OPLAH: variants seen among roughly 807,000 people sequenced by gnomAD.
The protein encoded by OPLAH is 5-oxoprolinase, ATP-hydrolysing, also known as 5-oxoprolinase.
In OPLAH, 103 loss-of-function variants were observed where a neutral mutation model predicts 122.8. The observed-to-expected ratio is 0.84, with a 90% confidence interval of 0.71 to 0.99. The LOEUF is 0.99. Ranked by LOEUF, OPLAH falls within the 50% of genes least tolerant of loss-of-function variation. The pLI, the probability that OPLAH is intolerant of heterozygous loss-of-function variation, is 0.00. For missense variants in OPLAH, 1,902 were observed against 1,836.5 expected (o/e 1.04, Z -0.65); for synonymous variants, 875 against 796.0 (o/e 1.10, Z -1.67).
chr8:144,051,258 G>A (rs552658091), downstream of OPLAH: 3 of 1,596,706 alleles, frequency 1.9e-6, no homozygotes, highest in African/African-American at 4.1e-5. Flanking sequence ...ACGACTCGGA[G>A]CACGAACTAG....
At chr8:144,051,706 A>C in intron 26 of OPLAH, 23 bp downstream of exon 26, 3 of 1,541,812 alleles carry the variant, frequency 1.9e-6, no homozygotes, top group South Asian at 1.2e-5. Flanking sequence ...GGGGAGGGGG[A>C]CAGGACAGGC....
At chr8:144,054,123 G>C (rs1554758365) in intron 19 of OPLAH, among the ~76,000 whole-genome samples, 1 of 151,638 alleles carries the variant, frequency 6.6e-6, no homozygotes, top group Non-Finnish European at 1.5e-5. Context: ...CTCAGCGCAG[G>C]CCCAGCTGAA....
rs1554757839 is a variant in OPLAH at position 144,052,193 on chromosome 8, G to T, written c.3437C>A (p.Thr1146Asn). 1 of 1,579,830 alleles carries T rather than the reference G, an allele frequency of 6.3e-7. No homozygotes were observed. Among genetic ancestry groups the T allele is most frequent in the Non-Finnish European group, 8.6e-7 (1 of 1,166,336 alleles). Residue 1146 changes from threonine to asparagine, a missense_variant, in exon 24 of 27, where the codon ACC becomes AAC. Physicochemically the swap from Thr to Asn is moderately conservative, Grantham distance 65 (BLOSUM62 0). Coordinates refer to ENST00000618853, the MANE Select transcript of OPLAH (RefSeq NM_017570.5). ...CCGGCTCTCCAGGATCTCAGGGTCG[G>T]TGATGCGTGTGTTGGTCATGTGGCT... ...VHSHMTNTRI[T>N]DPEILESRYP...
rs782207456 is a variant in OPLAH, at chr8:144,057,245, C to A, written c.1498G>T (p.Ala500Ser). Reference sequence around the variant, plus strand: ...ACCGTGTCCATGCCCAGGGCCCGGGCGATGGCACATGCATGCTGCCCACCA... The same window carrying A: ...ACCGTGTCCATGCCCAGGGCCCGGGAGATGGCACATGCATGCTGCCCACCA... ...GAGGQHACAI[A>S]RALGMDTVHI... Residue 500 changes from alanine to serine, a missense_variant, in exon 11 of 27, where the codon GCC becomes TCC. Transcript: ENST00000618853. 3.1e-6 allele frequency: 5 copies of A among 1,612,278 alleles called. No individual in the cohort carries two copies. The South Asian group carries it at 3.3e-5, about 11-fold the overall frequency.
In OPLAH at chr8:144,059,897, C is replaced by G. The variant is rs781819330; in HGVS notation, c.136G>C (p.Ala46Pro). ...ATGCGGCGGATGCCTTCGGTTGGCG[C>G]GTCCGCATAGTTGGCAGGGTCCTCT... ...LSEDPANYAD[A>P]PTEGIRRILE... The change falls in exon 2 of 27, where the codon GCG becomes CCG. Residue 46 changes from alanine (A) to proline (P), a missense_variant. Physicochemically the swap from Ala to Pro is conservative, Grantham distance 27. Around this residue, in one of 3 missense-constraint regions of OPLAH, gnomAD observed 168 missense variants for 170.6 expected, o/e 0.98. Transcript: ENST00000618853. The G allele has an allele frequency of 6.2e-7, 1 of 1,612,666 alleles. No individual in the cohort carries two copies. The highest frequency in any genetic ancestry group is 1.3e-5 in the African/African-American group (1 of 74,940).
At chr8:144,059,181 C>G (rs782435016) in intron 3 of OPLAH, 102 bp from the exon 4 acceptor site, 4 of 969,844 alleles carry the variant, frequency 4.1e-6, no homozygotes, top group African/African-American at 1.6e-5. Flanking sequence ...CCCAACAGGC[C>G]GGTCGGCAGG....
At position 144,058,127 on chromosome 8, in the gene OPLAH, C is replaced by T. The variant is rs782584339; in HGVS notation, c.971G>A (p.Arg324His). 26 of 1,612,444 alleles carry T rather than the reference C, an allele frequency of 1.6e-5. No homozygotes were observed. The South Asian group carries it at 1.9e-4, about 12-fold the overall frequency. The change falls in exon 8 of 27, where the codon CGC becomes CAC. Residue 324 changes from arginine to histidine, a missense_variant. This residue lies in a region of OPLAH where 1,726 missense variants were observed against 1,642.1 expected (regional missense o/e 1.05). Transcript: ENST00000618853. ...DMGGTSTDVS[R>H]YAGEFEHVFE... ...GACGTGCTCGAATTCCCCAGCATAG[C>T]GGCTCACATCCGTGGACGTGCCTGG...
At chr8:144,050,790 C>T, downstream of OPLAH, 1 of 987,558 alleles carries the variant, frequency 1.0e-6, no homozygotes, top group Non-Finnish European at 1.2e-6. Context: ...CCCCGGATCC[C>T]CCAGGGACCG....
Position 144,055,735 on chromosome 8 carries a change from C to T in OPLAH, c.2248+53G>A, listed in dbSNP as rs1258335866. 3 of 1,445,092 alleles carry T rather than the reference C, an allele frequency of 2.1e-6. No individual in the cohort carries two copies. In the Admixed American group the frequency reaches 7.8e-5, roughly 38 times the overall value. The allele number at this position is 1,445,092 out of a possible 1,614,324, so 89.5% of individuals were successfully genotyped here. On this transcript the variant is annotated intron_variant, in intron 16 of 26. Transcript: ENST00000618853. This position sits in a 1 kb window ranked among gnomAD's most constrained non-coding sequence, Gnocchi z 6.5. ...TTTGGGCACAGCCCTGCCAGCTACCCCATGACACAGCCGGCGCCTCATCCC... is the reference window on the plus strand; with the variant it reads ...TTTGGGCACAGCCCTGCCAGCTACCTCATGACACAGCCGGCGCCTCATCCC...
At chr8:144,056,871 G>A in intron 12 of OPLAH, 77 bp downstream of exon 12, 2 of 1,515,076 alleles carry the variant, frequency 1.3e-6, no homozygotes, top group East Asian at 2.4e-5. Context: ...CACCTGGGAA[G>A]TCATCAGGAG....
chr8:144,063,111 C>T (rs528744755), upstream of OPLAH, among the ~76,000 whole-genome samples: 1 of 152,292 alleles, frequency 6.6e-6, no homozygotes, highest in Admixed American at 6.5e-5. The surrounding 1 kb of genome is among the most constrained non-coding windows in gnomAD (Gnocchi z 4.2). Flanking sequence ...CCAGAGGCAG[C>T]TCCAGGCCTG....
chr8:144,051,397 G>C lies in OPLAH; in HGVS notation c.3796C>G (p.Pro1266Ala), dbSNP rs1564286871. The C allele has an allele frequency of 2.5e-6, 4 of 1,599,794 alleles. No individual in the cohort carries two copies. The change falls in exon 27 of 27, where the codon CCC becomes GCC. Residue 1266 changes from proline (P) to alanine (A), a missense_variant. Pro to Ala is a conservative substitution (Grantham distance 27). Transcript: ENST00000618853. ...PEDPAPPPGS[P>A]PQALAFPEHG... Reference sequence around the variant, plus strand: ...TCGGGAAAGGCCAGTGCTTGCGGGGGCGACCCCGGCGGTGGGGCGGGGTCC... The same window carrying C: ...TCGGGAAAGGCCAGTGCTTGCGGGGCCGACCCCGGCGGTGGGGCGGGGTCC...
chr8:144,057,904 C>T lies in OPLAH; in HGVS notation c.1108G>A (p.Gly370Arg), dbSNP rs1554759744. ...LFFRSGLFVV[G>R]PESAGAHPGP... Reference sequence around the variant, plus strand: ...GGGTGGGCTCCTGCTGACTCGGGCCCAACCACAAAGAGGCCAGACCTAGGG... The same window carrying T: ...GGGTGGGCTCCTGCTGACTCGGGCCTAACCACAAAGAGGCCAGACCTAGGG... The change falls in exon 9 of 27, where the codon GGG becomes AGG. Residue 370 changes from glycine to arginine, a missense_variant. By Grantham distance (125) the Gly-to-Arg change is moderately radical. Around this residue, in one of 3 missense-constraint regions of OPLAH, gnomAD observed 1,726 missense variants for 1,642.1 expected, o/e 1.05. Transcript: ENST00000618853. 6.2e-7 allele frequency: 1 copy of T among 1,612,122 alleles called. No homozygotes were observed.
At position 144,058,996 on chromosome 8, in the gene OPLAH, G is replaced by C; in HGVS notation, c.447C>G (p.Thr149=). ...RVVLHRGEAG[T]GTPVKGRTGD... is the part of the protein sequence containing the mutation. ...CACACACACCTTTCACAGGCGTCCC[G>C]GTGCCCGCCTCTCCACGGTGCAGCA... Residue 149 remains threonine, a synonymous_variant, in exon 4 of 27, where the codon ACC becomes ACG. Transcript: ENST00000618853. 1 of 1,567,210 alleles carries C rather than the reference G, an allele frequency of 6.4e-7. No homozygotes were observed. The highest frequency in any genetic ancestry group is 1.2e-5 in the South Asian group (1 of 85,368).
chr8:144,057,069 G>A lies in OPLAH; in HGVS notation c.1585C>T (p.His529Tyr), dbSNP rs1554759418. ...ALGLALADVV[H>Y]EAQEPCSLLY... The stretch of plus-strand genomic sequence containing the variant: ...AGGGAGCAGGGTTCCTGTGCCTCAT[G>A]CACCACGTCAGCCAGGGCCAGCCCC... Residue 529 changes from histidine (H) to tyrosine (Y), a missense_variant, in exon 12 of 27, where the codon CAT (histidine) becomes TAT (tyrosine). Around this residue, in one of 3 missense-constraint regions of OPLAH, gnomAD observed 1,726 missense variants for 1,642.1 expected, o/e 1.05. Coordinates refer to ENST00000618853, the MANE Select transcript of OPLAH (RefSeq NM_017570.5). The A allele has an allele frequency of 5.0e-6, 8 of 1,602,958 alleles. No individual in the cohort carries two copies. The East Asian group carries it at 9.0e-5, about 18-fold the overall frequency.
chr8:144,053,090 A>G lies in OPLAH; in HGVS notation c.2911T>C (p.Phe971Leu). 6.2e-7 allele frequency: 1 copy of G among 1,606,002 alleles called. No homozygotes were observed. The highest frequency in any genetic ancestry group is 8.5e-7 in the Non-Finnish European group (1 of 1,176,884). ...ELAVRDMLRA[F>L]GTSRQARGLP... ...CCCCGGGCCTGCCGGGAGGTTCCAA[A>G]GGCACGCAACATGTCTCGCACGGCC... Residue 971 changes from phenylalanine (F) to leucine (L), a missense_variant, in exon 21 of 27, where the codon TTT becomes CTT. This residue lies in a region of OPLAH where 1,726 missense variants were observed against 1,642.1 expected (regional missense o/e 1.05). Transcript: ENST00000618853.
chr8:144,052,746 G>A lies in OPLAH; in HGVS notation c.3153+20C>T. 2 of 1,561,134 alleles carry A rather than the reference G, an allele frequency of 1.3e-6. No individual in the cohort carries two copies. Among genetic ancestry groups the A allele is most frequent in the Non-Finnish European group, 8.7e-7 (1 of 1,153,514 alleles). On this transcript the variant is annotated intron_variant, in intron 22 of 26. Transcript: ENST00000618853. ...TGACCTCGGGCTGGGGCCCCCCCTC[G>A]CGCACACACCCCTGCGAACCTGGTT...
downstream of OPLAH, chr8:144,050,489 G>A (rs1486498973): frequency 1.9e-5 from 19 of 985,356 alleles, no homozygotes; most frequent in Non-Finnish European, 2.3e-5. Flanking sequence ...GAGGAGGGGC[G>A]GAGCCAGGAG....
chr8:144,059,191 G>A, intron 3 of OPLAH, 112 bp from the exon 4 acceptor site: 1 of 867,100 alleles, frequency 1.2e-6, no homozygotes, highest in East Asian at 2.6e-5. Context: ...CGGTCGGCAG[G>A]CCCAGGAGAG....
Sources: allele counts gnomAD v4.1 joint callset (sites outside exome capture counted in the v4.1 genomes callset), GRCh38; gene constraint gnomAD v4.1.1; regional missense constraint gnomAD v4.1.1; non-coding constraint Gnocchi (gnomAD v3.1); transcripts MANE v1.5; gene names NCBI Gene and HGNC (gene_info 2026-07-23, HGNC 2026-07-21).